The following IDI1 variants were observed in gnomAD, a reference collection of about 807,000 sequenced individuals.
IDI1 encodes the protein isopentenyl-diphosphate delta isomerase 1, also known as isopentenyl-diphosphate Delta-isomerase 1.
In IDI1, 23 loss-of-function variants were observed where a neutral mutation model predicts 32.9. The observed-to-expected ratio is 0.70, with a 90% CI of 0.50 to 0.99. The LOEUF (loss-of-function observed/expected upper bound fraction) is 0.99. Among genes scored for constraint, IDI1 ranks in the 50% least tolerant of loss-of-function variants. IDI1 has a pLI of 0.00. For synonymous variants in IDI1, 133 were observed against 128.2 expected, an observed-to-expected ratio of 1.04 and a Z score of -0.25; for missense variants, 326 against 351.9, an observed-to-expected ratio of 0.93 and a Z score of 0.59.
chr10:1,049,287 A>G (rs1832914703), upstream of IDI1: 1 of 456,060 alleles, frequency 2.2e-6, no homozygotes, highest in East Asian at 4.2e-5. Context: ...ACGGTGCCTA[A>G]CGTCAGACGT....
chr10:1,043,984 G>C lies in IDI1; in HGVS notation c.313+15C>G. Reference sequence around the variant, plus strand: ...CACAAATCGCTTTACAAGAAAGACTGTTTCAAAGCAGCACCTTTCTCAATG... The same window carrying C: ...CACAAATCGCTTTACAAGAAAGACTCTTTCAAAGCAGCACCTTTCTCAATG... On this transcript the variant is annotated intron_variant, in intron 2 of 4. Coordinates refer to ENST00000381344, the MANE Select transcript of IDI1 (RefSeq NM_004508.4). 6.2e-7 allele frequency: 1 copy of C among 1,605,346 alleles called. No homozygotes were observed. The highest frequency in any genetic ancestry group is 1.3e-5 in the African/African-American group (1 of 74,562).
upstream of IDI1, chr10:1,049,125 T>C (rs760631777): frequency 6.5e-6 from 9 of 1,390,642 alleles, no homozygotes; most frequent in Non-Finnish European, 7.4e-6. Flanking sequence ...ACCTGAGCCG[T>C]GACCGCGGGC....
upstream of IDI1, among the ~76,000 whole-genome samples, chr10:1,050,879 CA>C (rs1248261340): frequency 2.6e-5 from 4 of 152,226 alleles, no homozygotes; most frequent in African/African-American, 9.6e-5. Context: ...ATCAATGTTA[CA>C]AAGAAATGAA....
chr10:1,043,271 C>A (rs990754841), intron 3 of IDI1, 30 bp downstream of exon 3: 1 of 1,278,034 alleles, frequency 7.8e-7, no homozygotes, highest in Non-Finnish European at 1.1e-6. Context: ...AATGTACAAA[C>A]ACAATATTGT....
At chr10:1,044,455 T>G (rs969993072) in intron 1 of IDI1, among the ~76,000 whole-genome samples, 4 of 152,224 alleles carry the variant, frequency 2.6e-5, no homozygotes, top group African/African-American at 9.7e-5. Flanking sequence ...CACTTGATAC[T>G]CAATCCTTTT....
At chr10:1,055,614 C>A in the IDI1 span, among the ~76,000 whole-genome samples, 2 of 152,148 alleles carry the variant, frequency 1.3e-5, no homozygotes, top group African/African-American at 4.8e-5. Flanking sequence ...AAAATGACTT[C>A]TCTAAAAACT....
chr10:1,055,948 A>G, the IDI1 span, among the ~76,000 whole-genome samples: 2 of 152,054 alleles, frequency 1.3e-5, no homozygotes, highest in African/African-American at 4.8e-5. Flanking sequence ...AGCAGGGGTT[A>G]CAGGCGCGCG....
chr10:1,055,846 T>C, the IDI1 span, among the ~76,000 whole-genome samples: 2 of 152,206 alleles, frequency 1.3e-5, no homozygotes, highest in Non-Finnish European at 1.5e-5. Context: ...AGGCTCGCTC[T>C]GTCCCAGGCT....
At chr10:1,049,246 G>A (rs543941314), upstream of IDI1, 3 of 595,738 alleles carry the variant, frequency 5.0e-6, no homozygotes, top group Non-Finnish European at 8.2e-6. Context: ...TCACGCTTTC[G>A]ATCCTGCCGT....
At chr10:1,050,940 C>T (rs1832994375), upstream of IDI1, among the ~76,000 whole-genome samples, 1 of 152,216 alleles carries the variant, frequency 6.6e-6, no homozygotes, top group South Asian at 2.1e-4. Flanking sequence ...TTTTTAATAG[C>T]CTTTTCAAAT....
chr10:1,053,676 A>G (rs2387216), upstream of IDI1, among the ~76,000 whole-genome samples: 1,313 of 151,890 alleles, frequency 8.6e-3, 13 homozygotes, highest in African/African-American at 0.03. Flanking sequence ...AAAGTAAGAG[A>G]TGTGCAACTC....
At chr10:1,050,101 TG>T (rs1832959403), upstream of IDI1, among the ~76,000 whole-genome samples, 1 of 152,222 alleles carries the variant, frequency 6.6e-6, no homozygotes, top group South Asian at 2.1e-4. Flanking sequence ...ACAGGACGCT[TG>T]CACTCTCTTA....
At chr10:1,044,891 A>G (rs1044567528) in intron 1 of IDI1, among the ~76,000 whole-genome samples, 2 of 152,390 alleles carry the variant, frequency 1.3e-5, no homozygotes, top group African/African-American at 4.8e-5. Context: ...GTGAAGGGCC[A>G]GAGAGTATGA....
the IDI1 span, among the ~76,000 whole-genome samples, chr10:1,055,640 T>C: frequency 6.6e-6 from 1 of 152,244 alleles, no homozygotes; most frequent in African/African-American, 2.4e-5. Flanking sequence ...ATTTTTTTCC[T>C]TGGCGTTCCT....
chr10:1,043,261 A>T, intron 3 of IDI1, 40 bp downstream of exon 3: 1 of 1,196,874 alleles, frequency 8.4e-7, no homozygotes, highest in Non-Finnish European at 1.2e-6. Context: ...AAGTCAAATT[A>T]ATGTACAAAC....
At chr10:1,042,177 A>AG (rs1832619198) in intron 4 of IDI1, among the ~76,000 whole-genome samples, 1 of 152,086 alleles carries the variant, frequency 6.6e-6, no homozygotes, top group African/African-American at 2.4e-5. Flanking sequence ...TTATTTATCC[A>AG]GGTCTTATTT....
chr10:1,042,834 A>G, intron 3 of IDI1, 72 bp from the exon 4 acceptor site: 2 of 1,290,752 alleles, frequency 1.5e-6, no homozygotes, highest in Middle Eastern at 2.4e-4. Flanking sequence ...AAAAAGTTTT[A>G]TAAGTAACTG....
At chr10:1,049,506 C>T (rs934588076), upstream of IDI1, 1 of 158,922 alleles carries the variant, frequency 6.3e-6, no homozygotes, top group Non-Finnish European at 1.3e-5. Flanking sequence ...GGGACTACAG[C>T]GTTTGGCTGC....
At chr10:1,041,535 A>G in intron 4 of IDI1, 31 bp from the exon 5 acceptor site, 1 of 1,277,646 alleles carries the variant, frequency 7.8e-7, no homozygotes, top group Non-Finnish European at 1.1e-6. Flanking sequence ...AAGTAATTAA[A>G]ACATCGGCCA....
Sources: gnomAD v4.1 joint callset for allele counts (sites outside exome capture counted in the v4.1 genomes callset) on GRCh38, gnomAD v4.1.1 for gene constraint, MANE v1.5 for transcripts, NCBI Gene and HGNC (gene_info 2026-07-23, HGNC 2026-07-21) for gene names.